The following LRAT variants were observed in gnomAD, a reference collection of about 807,000 sequenced individuals.
LRAT encodes the protein lecithin retinol acyltransferase.
A neutral mutation model predicts 14.2 loss-of-function variants in LRAT; 11 were observed. That is an observed-to-expected ratio of 0.78 (90% CI 0.49 to 1.29). The LOEUF is 1.29. LRAT is among the 50% of genes most tolerant of loss of function. LRAT has a pLI of 0.00. For missense variants in LRAT, 274 were observed against 292.4 expected (o/e 0.94, Z 0.46); for synonymous variants, 144 against 124.8 (o/e 1.15, Z -1.03).
upstream of LRAT, among the ~76,000 whole-genome samples, chr4:154,743,451 G>A (rs1255773203): frequency 6.6e-6 from 1 of 152,056 alleles, no homozygotes; most frequent in African/African-American, 2.4e-5. Flanking sequence ...CCCAGATCGC[G>A]CCACCGCCCT....
upstream of LRAT, among the ~76,000 whole-genome samples, chr4:154,742,403 G>T (rs1182685712): frequency 2.0e-5 from 3 of 152,096 alleles, no homozygotes; most frequent in Non-Finnish European, 4.4e-5. Context: ...ACGGCAGATT[G>T]AGGGTGGCAG....
At chr4:154,748,174 C>G (rs1448336436) in intron 2 of LRAT, 1 of 961,074 alleles carries the variant, frequency 1.0e-6, no homozygotes, top group African/African-American at 1.8e-5. Context: ...ACTGTAATAC[C>G]TTATGTTTAT....
At position 154,744,495 on chromosome 4, in the gene LRAT, C is replaced by A; in HGVS notation, c.169C>A (p.His57Asn). ...RGDVLEVPRT[H>N]LTHYGIYLGD... The stretch of plus-strand genomic sequence containing the variant: ...CGACGTGCTGGAGGTGCCCCGGACC[C>A]ACCTGACCCACTATGGCATCTACCT... The change falls in exon 2 of 3, where the codon CAC (histidine) becomes AAC (asparagine). Residue 57 changes from histidine (H) to asparagine (N), a missense_variant. By Grantham distance (68) the His-to-Asn change is moderately conservative. Coordinates refer to ENST00000336356, the MANE Select transcript of LRAT (RefSeq NM_004744.5). 6.2e-7 allele frequency: 1 copy of A among 1,614,132 alleles called. No individual in the cohort carries two copies. Among genetic ancestry groups the A allele is most frequent in the Non-Finnish European group, 8.5e-7 (1 of 1,180,020 alleles).
At chr4:154,744,935 C>G (rs1283090121) in intron 2 of LRAT, 69 bp downstream of exon 2, 2 of 1,505,986 alleles carry the variant, frequency 1.3e-6, no homozygotes, top group Non-Finnish European at 1.8e-6. Flanking sequence ...GACCTTTTCT[C>G]TTCCCCGCGA....
chr4:154,747,516 C>T (rs1391457705), intron 2 of LRAT, among the ~76,000 whole-genome samples: 2 of 152,068 alleles, frequency 1.3e-5, no homozygotes, highest in East Asian at 3.9e-4. Flanking sequence ...TACTGTTGAG[C>T]ACCACTAAAG....
At position 154,752,893 on chromosome 4, in the gene LRAT, A is replaced by AT. The variant is rs568607589; in HGVS notation, c.*3762dup. 2 of 151,782 alleles carry AT rather than the reference A, an allele frequency of 1.3e-5. No homozygotes were observed. Among genetic ancestry groups the AT allele is most frequent in the Non-Finnish European group, 2.9e-5 (2 of 67,920 alleles). The allele number at this position is 151,782 out of a possible 1,614,324, so 9.4% of individuals were successfully genotyped here. A position where few individuals can be genotyped will look rare whatever the true frequency, so the allele number is the denominator to read the frequency against. On this transcript the variant is annotated 3_prime_UTR_variant, in exon 3 of 3. Transcript: ENST00000336356. ...GTATATATATGTTTCTTGTTTTTCT[A>AT]TTTTTCTACTTCATACTGTTAATGT...
At chr4:154,745,917 C>T (rs1732877425) in intron 2 of LRAT, among the ~76,000 whole-genome samples, 1 of 152,094 alleles carries the variant, frequency 6.6e-6, no homozygotes, top group Non-Finnish European at 1.5e-5. Flanking sequence ...AGGTAGATTA[C>T]ATTGTTTATG....
Position 154,744,403 on chromosome 4 carries a change from G to T in LRAT, c.77G>T (p.Ser26Ile), listed in dbSNP as rs1326471197. The change falls in exon 2 of 3, where the codon AGT (serine) becomes ATT (isoleucine). Residue 26 changes from serine to isoleucine, a missense_variant. Transcript: ENST00000336356. ...CTCATCTCCAACTTCACGCTCTTTA[G>T]TTCGGGCGCCGCGGGCGAAGACAAA... is the stretch of plus-strand genomic sequence containing the variant. ...LLLISNFTLFSSGAAGEDKGR... is the reference protein window; with the variant it reads ...LLLISNFTLFISGAAGEDKGR... 2.5e-6 allele frequency: 4 copies of T among 1,614,114 alleles called. No homozygotes were observed.
At chr4:154,746,736 A>C (rs1732891020) in intron 2 of LRAT, among the ~76,000 whole-genome samples, 1 of 152,224 alleles carries the variant, frequency 6.6e-6, no homozygotes, top group Admixed American at 6.5e-5. Context: ...TGCTTTTGTA[A>C]GGTAGTAAAA....
upstream of LRAT, among the ~76,000 whole-genome samples, chr4:154,741,793 T>C (rs559990021): frequency 3.9e-4 from 60 of 152,166 alleles, no homozygotes; most frequent in Non-Finnish European, 6.8e-4. Context: ...TATGTATATA[T>C]TTTTATATAC....
chr4:154,749,304 C>A lies in LRAT; in HGVS notation c.*168C>A, dbSNP rs1425374580. ...AGTGCTTACTGTGTAAGCCCAAGAA[C>A]AAAGGCTTTCTGAATCTTCTCAGGC... On this transcript the variant is annotated 3_prime_UTR_variant, in exon 3 of 3. Transcript: ENST00000336356. The A allele has an allele frequency of 5.6e-6, 4 of 719,462 alleles. No individual in the cohort carries two copies. The highest frequency in any genetic ancestry group is 9.4e-6 in the Non-Finnish European group (4 of 424,866). The allele number at this position is 719,462 out of a possible 1,614,324, so 44.6% of individuals were successfully genotyped here.
Position 154,744,246 on chromosome 4 carries a change from GC to G in LRAT, c.-2+27del. 3 of 1,461,326 alleles carry G rather than the reference GC, an allele frequency of 2.1e-6. No individual in the cohort carries two copies. In the South Asian group the frequency reaches 3.4e-5, roughly 17 times the overall value. The allele number at this position is 1,461,326 out of a possible 1,614,324, so 90.5% of individuals were successfully genotyped here. A position where few individuals can be genotyped will look rare whatever the true frequency, so the allele number is the denominator to read the frequency against. On this transcript the variant is annotated intron_variant, in intron 1 of 2. Coordinates refer to ENST00000336356, the MANE Select transcript of LRAT (RefSeq NM_004744.5). ...AGGTGAGCAGCAGCGCAGCACCCCT[GC>G]CCGGCGAGCTTAACTTGCCCAGCCC...
In LRAT at chr4:154,751,806, G is replaced by T. The variant is rs17032000; in HGVS notation, c.*2670G>T. ...GCCATTAATGTGTCTCGTAACTTGAGGAAGTTCATGAATTCTCTGGGCTTC... is the reference window on the plus strand; with the variant it reads ...GCCATTAATGTGTCTCGTAACTTGATGAAGTTCATGAATTCTCTGGGCTTC... On this transcript the variant is annotated 3_prime_UTR_variant, in exon 3 of 3. Transcript: ENST00000336356. 0.13 allele frequency: 19,797 copies of T among 149,432 alleles called. 1,728 individuals are homozygous for T. The highest frequency in any genetic ancestry group is 0.27 in the Admixed American group (4,109 of 14,962). 9.3% of individuals were successfully genotyped at this position (149,432 alleles called of 1,614,324 possible).
rs1194296939 is a variant in LRAT at position 154,751,733 on chromosome 4, C to T, written c.*2597C>T. 4.2e-5 allele frequency: 1 copy of T among 23,842 alleles called. No individual in the cohort carries two copies. The highest frequency in any genetic ancestry group is 7.9e-5 in the Non-Finnish European group (1 of 12,628). 1.5% of individuals were successfully genotyped at this position (23,842 alleles called of 1,614,324 possible). ...TGGGCAACAAAGTGAGACTCCATCT[C>T]AAAAAAAAAAAAAAAAAAAAAAAAA... is the stretch of plus-strand genomic sequence containing the variant. On this transcript the variant is annotated 3_prime_UTR_variant, in exon 3 of 3. Transcript: ENST00000336356.
Position 154,749,631 on chromosome 4 carries a change from C to G in LRAT, c.*495C>G, listed in dbSNP as rs755614971. Reference sequence around the variant, plus strand: ...TTGATGACTGGTCAAAAAATAAGCTCATAATCTATTTTTTTCATGTAGTAT... The same window carrying G: ...TTGATGACTGGTCAAAAAATAAGCTGATAATCTATTTTTTTCATGTAGTAT... On this transcript the variant is annotated 3_prime_UTR_variant, in exon 3 of 3. Transcript: ENST00000336356. 2 of 155,296 alleles carry G rather than the reference C, an allele frequency of 1.3e-5. No homozygotes were observed. The highest frequency in any genetic ancestry group is 2.9e-5 in the Non-Finnish European group (2 of 70,160). The allele number at this position is 155,296 out of a possible 1,614,324, so 9.6% of individuals were successfully genotyped here.
At chr4:154,745,165 C>G (rs1328704691) in intron 2 of LRAT, among the ~76,000 whole-genome samples, 2 of 151,598 alleles carry the variant, frequency 1.3e-5, no homozygotes, top group Admixed American at 6.6e-5. Context: ...ACTACAGGCA[C>G]CCGCCACCAC....
At chr4:154,743,588 A>AT (rs770575958), upstream of LRAT, among the ~76,000 whole-genome samples, 2 of 152,166 alleles carry the variant, frequency 1.3e-5, no homozygotes, top group African/African-American at 2.4e-5. Context: ...CAATCTCTTT[A>AT]TTAAGCCGAA....
chr4:154,746,151 T>C (rs888023365), intron 2 of LRAT, among the ~76,000 whole-genome samples: 3 of 152,218 alleles, frequency 2.0e-5, no homozygotes, highest in African/African-American at 4.8e-5. Flanking sequence ...TCAGCCTTCA[T>C]TGCACTTGTT....
intron 2 of LRAT, among the ~76,000 whole-genome samples, chr4:154,746,183 C>G (rs1732882173): frequency 6.6e-6 from 1 of 152,156 alleles, no homozygotes; most frequent in Non-Finnish European, 1.5e-5. Context: ...TGTTAATGTT[C>G]AGTCTTTATA....
Sources: allele counts gnomAD v4.1 joint callset (sites outside exome capture counted in the v4.1 genomes callset), GRCh38; gene constraint gnomAD v4.1.1; transcripts MANE v1.5; gene names NCBI Gene and HGNC (gene_info 2026-07-23, HGNC 2026-07-21).